NNAT: variants seen among roughly 807,000 people sequenced by gnomAD.
The protein encoded by NNAT is neuronatin.
NNAT carries 8 observed loss-of-function variants against 12.7 expected under a neutral mutation model. The observed-to-expected ratio is 0.63, with a 90% CI of 0.37 to 1.14. The LOEUF (loss-of-function observed/expected upper bound fraction) is 1.14. NNAT is among the 50% of genes most tolerant of loss of function. The probability of loss-of-function intolerance (pLI) is 0.01; values close to 1 mark genes in which losing one functional copy is unlikely to be tolerated. For synonymous variants in NNAT, 52 were observed against 48.5 expected (o/e 1.07, Z -0.30); for missense variants, 94 against 108.3 (o/e 0.87, Z 0.59).
Position 37,523,024 on chromosome 20 carries a change from C to T in NNAT, c.*265C>T. 2.3e-6 allele frequency: 1 copy of T among 437,448 alleles called. No individual in the cohort carries two copies. The highest frequency in any genetic ancestry group is 4.0e-5 in the Admixed American group (1 of 25,080). The allele number at this position is 437,448 out of a possible 1,614,324, so 27.1% of individuals were successfully genotyped here. A position where few individuals can be genotyped will look rare whatever the true frequency, so the allele number is the denominator to read the frequency against. ...AGGAGGGGGGATAGGGGGAGCAGAC[C>T]CCTGAGATCTGGGCATAGGCACCGC... On this transcript the variant is annotated 3_prime_UTR_variant, in exon 3 of 3. Coordinates refer to ENST00000649451, the MANE Select transcript of NNAT (RefSeq NM_005386.4).
chr20:37,523,128 A>C lies in NNAT; in HGVS notation c.*369A>C. 4.6e-6 allele frequency: 1 copy of C among 215,642 alleles called. No homozygotes were observed. The allele number at this position is 215,642 out of a possible 1,614,324, so 13.4% of individuals were successfully genotyped here. On this transcript the variant is annotated 3_prime_UTR_variant, in exon 3 of 3. Transcript: ENST00000649451. ...CATGCCAGCAGGCCCCACCATGGAAATCAAAACACCGCACCAGCCAGCAGA... is the reference window on the plus strand; with the variant it reads ...CATGCCAGCAGGCCCCACCATGGAACTCAAAACACCGCACCAGCCAGCAGA...
intron 1 of NNAT, 120 bp from the exon 2 acceptor site, chr20:37,522,238 A>G (rs2071610963): frequency 3.7e-6 from 2 of 547,100 alleles, no homozygotes; most frequent in Admixed American, 3.6e-5. Flanking sequence ...TGGTGTAAAA[A>G]GAGATAAATC....
At chr20:37,522,598 G>GGGGGGGGGCC in intron 2 of NNAT, 69 bp from the exon 3 acceptor site, 2 of 864,416 alleles carry the variant, frequency 2.3e-6, no homozygotes, top group Non-Finnish European at 1.7e-6. Context: ...GCGGGGGTGG[G>GGGGGGGGGCC]CACGGCAGCA....
intron 2 of NNAT, 89 bp from the exon 3 acceptor site, chr20:37,522,578 A>AGGTGGGGGGGGGGGGGGG: frequency 1.5e-6 from 1 of 683,764 alleles, no homozygotes; most frequent in Admixed American, 5.4e-5. Flanking sequence ...CGGGCGGGGC[A>AGGTGGGGGGGGGGGGGGG]GGGGGTGGGG....
intron 2 of NNAT, 94 bp downstream of exon 2, chr20:37,522,532 C>T (rs903641182): frequency 7.4e-6 from 10 of 1,343,814 alleles, no homozygotes; most frequent in East Asian, 2.6e-5. Context: ...GGACAAGCTG[C>T]GCCCGCGCCC....
In NNAT at chr20:37,522,381, C is replaced by T; in HGVS notation, c.96C>T (p.Tyr32=). The change falls in exon 2 of 3, where the codon TAC becomes TAT. Residue 32 remains tyrosine (Y), a synonymous_variant. Transcript: ENST00000649451. ...AGGTGTTCCTGGAATGCTGCATTTA[C>T]TGGGTAGGATTCGCTTTTCGAAATC... is the stretch of plus-strand genomic sequence containing the variant. ...LLQVFLECCI[Y]WVGFAFRNPP... The T allele has an allele frequency of 6.2e-7, 1 of 1,613,928 alleles. No individual in the cohort carries two copies. Among genetic ancestry groups the T allele is most frequent in the Middle Eastern group, 1.7e-4 (1 of 6,056 alleles).
In NNAT at chr20:37,521,500, T is replaced by C. The variant is rs2071571864; in HGVS notation, c.72+97T>C. ...CGATTGCCGCTTCCCGGACCCGTCC[T>C]ATTCCGATTGCCGCGATCCTTGCCT... On this transcript the variant is annotated intron_variant, in intron 1 of 2. Coordinates refer to ENST00000649451, the MANE Select transcript of NNAT (RefSeq NM_005386.4). This position sits in a 1 kb window ranked among gnomAD's most constrained non-coding sequence, Gnocchi z 4.5. 1.6e-6 allele frequency: 2 copies of C among 1,244,120 alleles called. No homozygotes were observed. Among genetic ancestry groups the C allele is most frequent in the African/African-American group, 3.0e-5 (2 of 67,736 alleles). The allele number at this position is 1,244,120 out of a possible 1,614,324, so 77.1% of individuals were successfully genotyped here. A position where few individuals can be genotyped will look rare whatever the true frequency, so the allele number is the denominator to read the frequency against.
intron 2 of NNAT, 103 bp from the exon 3 acceptor site, chr20:37,522,564 T>TGGGC: frequency 1.8e-6 from 1 of 554,380 alleles, no homozygotes; most frequent in Non-Finnish European, 2.2e-6. Context: ...CTACGCTGGA[T>TGGGC]GGGCGGGCGG....
In NNAT at chr20:37,522,814, G is replaced by C. The variant is rs560845323; in HGVS notation, c.*55G>C. ...ATCATCAGGTGCTCCTGTGCATCTC[G>C]GCCAGCACGGGAGCCAGTGCCGCGC... On this transcript the variant is annotated 3_prime_UTR_variant, in exon 3 of 3. Coordinates refer to ENST00000649451, the MANE Select transcript of NNAT (RefSeq NM_005386.4). The C allele has an allele frequency of 1.4e-6, 2 of 1,476,134 alleles. No individual in the cohort carries two copies. The highest frequency in any genetic ancestry group is 1.8e-6 in the Non-Finnish European group (2 of 1,092,660). The allele number at this position is 1,476,134 out of a possible 1,614,324, so 91.4% of individuals were successfully genotyped here.
rs1439081660 is a variant in NNAT, at chr20:37,522,903, A to T, written c.*144A>T. On this transcript the variant is annotated 3_prime_UTR_variant, in exon 3 of 3. Transcript: ENST00000649451. ...CACTTGGCAAGGTCAGTGAGGGGCC[A>T]GTAGACCCCCGGAGAAGCAGTACCG... is the stretch of plus-strand genomic sequence containing the variant. 2 of 649,532 alleles carry T rather than the reference A, an allele frequency of 3.1e-6. No individual in the cohort carries two copies. The highest frequency in any genetic ancestry group is 5.9e-5 in the Admixed American group (2 of 34,004). 40.2% of individuals were successfully genotyped at this position (649,532 alleles called of 1,614,324 possible).
chr20:37,522,876 A>G lies in NNAT; in HGVS notation c.*117A>G. On this transcript the variant is annotated 3_prime_UTR_variant, in exon 3 of 3. Coordinates refer to ENST00000649451, the MANE Select transcript of NNAT (RefSeq NM_005386.4). ...GTCCCCTGTGTTCCCTCGCCAGAGG[A>G]GCACTTGGCAAGGTCAGTGAGGGGC... is the stretch of plus-strand genomic sequence containing the variant. 1.1e-6 allele frequency: 1 copy of G among 898,844 alleles called. No homozygotes were observed. Among genetic ancestry groups the G allele is most frequent in the Non-Finnish European group, 1.7e-6 (1 of 605,600 alleles). 55.7% of individuals were successfully genotyped at this position (898,844 alleles called of 1,614,324 possible).
In NNAT at chr20:37,522,423, C is replaced by T. The variant is rs146216449; in HGVS notation, c.138C>T (p.Pro46=). The change falls in exon 2 of 3, where the codon CCC becomes CCT. Residue 46 remains proline (P), a synonymous_variant. Transcript: ENST00000649451. ...TTCGAAATCCTCCAGGGACACAGCCCATTGCGAGAAGTGAGGTATACCTAA... is the reference window on the plus strand; with the variant it reads ...TTCGAAATCCTCCAGGGACACAGCCTATTGCGAGAAGTGAGGTATACCTAA... The part of the protein sequence containing the change: ...FAFRNPPGTQ[P]IARSEVFRYS... The T allele has an allele frequency of 5.6e-4, 906 of 1,613,940 alleles. 6 individuals are homozygous for T. The highest frequency in any genetic ancestry group is 3.0e-3 in the Middle Eastern group (18 of 5,974).
In NNAT at chr20:37,523,069, C is replaced by T. The variant is rs2071645364; in HGVS notation, c.*310C>T. On this transcript the variant is annotated 3_prime_UTR_variant, in exon 3 of 3. Transcript: ENST00000649451. ...CACCGCATTCTGATCTGGACAAAGT[C>T]GGGACAGCACCATCCCAGCCCCGAA... The T allele has an allele frequency of 1.9e-5, 6 of 319,774 alleles. No individual in the cohort carries two copies. In the East Asian group the frequency reaches 2.1e-4, roughly 11 times the overall value. The allele number at this position is 319,774 out of a possible 1,614,324, so 19.8% of individuals were successfully genotyped here.
At position 37,521,529 on chromosome 20, in the gene NNAT, C is replaced by A; in HGVS notation, c.72+126C>A. The stretch of plus-strand genomic sequence containing the variant: ...CCGATTGCCGCGATCCTTGCCTGCC[C>A]AAGTGCCGCTGCCGGCACCGCGCGC... On this transcript the variant is annotated intron_variant, in intron 1 of 2. Transcript: ENST00000649451. This position sits in a 1 kb window ranked among gnomAD's most constrained non-coding sequence, Gnocchi z 4.5. The A allele has an allele frequency of 1.0e-6, 1 of 973,688 alleles. No homozygotes were observed. The highest frequency in any genetic ancestry group is 1.6e-6 in the Non-Finnish European group (1 of 627,074). The allele number at this position is 973,688 out of a possible 1,614,324, so 60.3% of individuals were successfully genotyped here.
At position 37,521,627 on chromosome 20, in the gene NNAT, A is replaced by C. The variant is rs893671765; in HGVS notation, c.72+224A>C. 6 of 552,620 alleles carry C rather than the reference A, an allele frequency of 1.1e-5. No individual in the cohort carries two copies. Among genetic ancestry groups the C allele is most frequent in the African/African-American group, 9.6e-5 (5 of 51,972 alleles). 34.2% of individuals were successfully genotyped at this position (552,620 alleles called of 1,614,324 possible). A position where few individuals can be genotyped will look rare whatever the true frequency, so the allele number is the denominator to read the frequency against. ...TGCGCCCGCGCCTGCCAGGGAACAA[A>C]GACTCGGGGCGCGGCGGGCGACCGC... On this transcript the variant is annotated intron_variant, in intron 1 of 2. Coordinates refer to ENST00000649451, the MANE Select transcript of NNAT (RefSeq NM_005386.4). The surrounding 1 kb of genome is among the most constrained non-coding windows in gnomAD (Gnocchi z 4.5).
chr20:37,522,223 G>A (rs1347467408), intron 1 of NNAT, 135 bp from the exon 2 acceptor site: 1 of 423,388 alleles, frequency 2.4e-6, no homozygotes, highest in Non-Finnish European at 4.1e-6. Flanking sequence ...AGAGGCAAAA[G>A]CGCTTGGTGT....
chr20:37,521,538 C>G lies in NNAT; in HGVS notation c.72+135C>G. ...GCGATCCTTGCCTGCCCAAGTGCCGCTGCCGGCACCGCGCGCCCCCTGCCC... is the reference window on the plus strand; with the variant it reads ...GCGATCCTTGCCTGCCCAAGTGCCGGTGCCGGCACCGCGCGCCCCCTGCCC... On this transcript the variant is annotated intron_variant, in intron 1 of 2. Coordinates refer to ENST00000649451, the MANE Select transcript of NNAT (RefSeq NM_005386.4). The surrounding 1 kb of genome is among the most constrained non-coding windows in gnomAD (Gnocchi z 4.5). 1.1e-6 allele frequency: 1 copy of G among 881,910 alleles called. No homozygotes were observed. Among genetic ancestry groups the G allele is most frequent in the Non-Finnish European group, 1.8e-6 (1 of 553,206 alleles). 54.6% of individuals were successfully genotyped at this position (881,910 alleles called of 1,614,324 possible). A position where few individuals can be genotyped will look rare whatever the true frequency, so the allele number is the denominator to read the frequency against.
rs562636458 is a variant in NNAT at position 37,521,449 on chromosome 20, C to T, written c.72+46C>T. Reference sequence around the variant, plus strand: ...GGTGGGAGAGGGTTCCCAACTCGCGCCCCTAGAACCCGCAAGACTGCGTCG... The same window carrying T: ...GGTGGGAGAGGGTTCCCAACTCGCGTCCCTAGAACCCGCAAGACTGCGTCG... On this transcript the variant is annotated intron_variant, in intron 1 of 2. Coordinates refer to ENST00000649451, the MANE Select transcript of NNAT (RefSeq NM_005386.4). The surrounding 1 kb of genome is among the most constrained non-coding windows in gnomAD (Gnocchi z 4.5). 3.8e-5 allele frequency: 60 copies of T among 1,574,744 alleles called. 1 individual carries two copies. In the East Asian group the frequency reaches 1.3e-3, roughly 34 times the overall value.
rs1278685297 is a variant in NNAT, at chr20:37,522,737, G to A, written c.224G>A (p.Arg75His). ...ACCGGGCGGCAGGTGTTGGGGGAGC[G>A]CAGGCAGCGAGCCCCCAACTGAGGC... is the stretch of plus-strand genomic sequence containing the variant. ...SRTGRQVLGE[R>H]RQRAPN The change falls in exon 3 of 3, where the codon CGC (arginine) becomes CAC (histidine). Residue 75 changes from arginine (R) to histidine (H), a missense_variant. Arg to His is a conservative substitution (Grantham distance 29, BLOSUM62 0). Transcript: ENST00000649451. 1.2e-6 allele frequency: 2 copies of A among 1,607,756 alleles called. No individual in the cohort carries two copies. The highest frequency in any genetic ancestry group is 2.2e-5 in the East Asian group (1 of 44,630).
Sources: allele counts gnomAD v4.1 joint callset, GRCh38; gene constraint gnomAD v4.1.1; non-coding constraint Gnocchi (gnomAD v3.1); transcripts MANE v1.5; gene names NCBI Gene and HGNC (gene_info 2026-07-23, HGNC 2026-07-21).